The following IMMP1L variants were observed in gnomAD, a reference collection of about 807,000 sequenced individuals.
The protein encoded by IMMP1L is inner mitochondrial membrane peptidase subunit 1, also known as mitochondrial inner membrane protease subunit 1.
A neutral mutation model predicts 21.8 loss-of-function variants in IMMP1L; 24 were observed. The observed-to-expected ratio is 1.10, with a 90% CI of 0.80 to 1.55. IMMP1L has a LOEUF of 1.55. Ranked by LOEUF, IMMP1L falls within the 40% of genes most tolerant of loss-of-function variation. The probability of loss-of-function intolerance (pLI) is 0.00; values close to 1 mark genes in which losing one functional copy is unlikely to be tolerated. For missense variants in IMMP1L, 195 were observed against 200.7 expected, an observed-to-expected ratio of 0.97 and a Z score of 0.17; for synonymous variants, 46 against 62.8, an observed-to-expected ratio of 0.73 and a Z score of 1.26.
chr11:31,487,332 CT>C (rs1231491079), intron 1 of IMMP1L, among the ~76,000 whole-genome samples: 1 of 152,098 alleles, frequency 6.6e-6, no homozygotes, highest in African/African-American at 2.4e-5. Context: ...CATGTTGTTT[CT>C]GTCTGTCAGT....
chr11:31,465,024 T>TTA (rs1954283070), intron 1 of IMMP1L, among the ~76,000 whole-genome samples: 1 of 152,064 alleles, frequency 6.6e-6, no homozygotes, highest in Non-Finnish European at 1.5e-5. Flanking sequence ...TGACATGATC[T>TTA]TATATATAGA....
At chr11:31,473,019 C>T (rs1038633007) in intron 1 of IMMP1L, among the ~76,000 whole-genome samples, 1 of 151,652 alleles carries the variant, frequency 6.6e-6, no homozygotes, top group South Asian at 2.1e-4. Flanking sequence ...GTGCCCGCCA[C>T]CTCGCACGGC....
At chr11:31,474,482 C>G (rs1160393126) in intron 1 of IMMP1L, among the ~76,000 whole-genome samples, 1 of 152,114 alleles carries the variant, frequency 6.6e-6, no homozygotes, top group African/African-American at 2.4e-5. Flanking sequence ...AAACTGCAAA[C>G]TCAAGGCACT....
At chr11:31,484,400 T>C (rs1955001261) in intron 1 of IMMP1L, among the ~76,000 whole-genome samples, 2 of 151,870 alleles carry the variant, frequency 1.3e-5, no homozygotes, top group South Asian at 4.1e-4. Flanking sequence ...TTTTTCCAAA[T>C]AACAATGGTA....
chr11:31,466,659 G>A (rs1246296899), intron 1 of IMMP1L, among the ~76,000 whole-genome samples: 1 of 151,972 alleles, frequency 6.6e-6, no homozygotes, highest in Non-Finnish European at 1.5e-5. Flanking sequence ...ATCTGGCACA[G>A]GAAGAAAAAT....
chr11:31,447,651 T>C (rs1953573573), intron 4 of IMMP1L, among the ~76,000 whole-genome samples: 1 of 152,232 alleles, frequency 6.6e-6, no homozygotes. Flanking sequence ...AAGTGATTTA[T>C]ACATTTTCTT....
At chr11:31,464,547 T>C (rs1179730838) in intron 1 of IMMP1L, among the ~76,000 whole-genome samples, 1 of 152,074 alleles carries the variant, frequency 6.6e-6, no homozygotes, top group Non-Finnish European at 1.5e-5. Context: ...AACAAAATAC[T>C]AGCAAACCAA....
At chr11:31,473,270 T>C (rs574701122) in intron 1 of IMMP1L, among the ~76,000 whole-genome samples, 1 of 152,068 alleles carries the variant, frequency 6.6e-6, no homozygotes, top group East Asian at 1.9e-4. Flanking sequence ...AGGATGGTCT[T>C]CATCTCCTGA....
At chr11:31,476,753 C>G (rs1304749108) in intron 1 of IMMP1L, among the ~76,000 whole-genome samples, 2 of 152,012 alleles carry the variant, frequency 1.3e-5, no homozygotes, top group East Asian at 3.9e-4. Context: ...AGTTACGTTG[C>G]ATACTGTTTG....
chr11:31,460,531 G>A (rs2133655012), intron 3 of IMMP1L, 95 bp downstream of exon 3: 1 of 669,084 alleles, frequency 1.5e-6, no homozygotes, highest in East Asian at 2.7e-5. Context: ...ATTTATGAAA[G>A]AGGTTTTAAA....
intron 1 of IMMP1L, among the ~76,000 whole-genome samples, chr11:31,506,036 C>G (rs545557308): frequency 1.3e-5 from 2 of 152,094 alleles, no homozygotes; most frequent in African/African-American, 4.8e-5. Flanking sequence ...GGTCGACACC[C>G]CTGATCCGCA....
At chr11:31,488,976 A>C (rs2133781644) in intron 1 of IMMP1L, among the ~76,000 whole-genome samples, 1 of 152,008 alleles carries the variant, frequency 6.6e-6, no homozygotes, top group African/African-American at 2.4e-5. Flanking sequence ...GGCTCACTGC[A>C]AGCTCCACCT....
At chr11:31,473,824 A>T in intron 1 of IMMP1L, 1 of 724,090 alleles carries the variant, frequency 1.4e-6, no homozygotes, top group Non-Finnish European at 1.7e-6. Context: ...AGAAACAGGA[A>T]AAATATATAT....
intron 1 of IMMP1L, among the ~76,000 whole-genome samples, chr11:31,471,841 A>C (rs1406549651): frequency 6.6e-6 from 1 of 152,202 alleles, no homozygotes; most frequent in Non-Finnish European, 1.5e-5. Flanking sequence ...ACATATTTAT[A>C]ATCTTACAGT....
intron 1 of IMMP1L, among the ~76,000 whole-genome samples, chr11:31,483,267 A>G (rs1433409873): frequency 6.6e-6 from 1 of 152,024 alleles, no homozygotes; most frequent in Non-Finnish European, 1.5e-5. Context: ...CAAAAAAATC[A>G]TTAGGCTATC....
intron 2 of IMMP1L, among the ~76,000 whole-genome samples, chr11:31,461,372 G>A (rs1044159055): frequency 1.3e-5 from 2 of 152,136 alleles, no homozygotes; most frequent in Non-Finnish European, 2.9e-5. Context: ...GAGGCCAGGA[G>A]TTCAAGACCA....
intron 4 of IMMP1L, 160 bp from the exon 5 acceptor site, chr11:31,433,730 A>G: frequency 2.2e-6 from 1 of 449,290 alleles, no homozygotes; most frequent in Non-Finnish European, 3.9e-6. Flanking sequence ...TATTTCTTGC[A>G]CAATAACTTT....
At chr11:31,465,061 CT>C (rs1272340128) in intron 1 of IMMP1L, among the ~76,000 whole-genome samples, 2 of 152,022 alleles carry the variant, frequency 1.3e-5, no homozygotes, top group Admixed American at 1.3e-4. Context: ...ACCAAAAATA[CT>C]TTTAGAACTG....
At chr11:31,465,137 C>T (rs1954287781) in intron 1 of IMMP1L, among the ~76,000 whole-genome samples, 1 of 151,894 alleles carries the variant, frequency 6.6e-6, no homozygotes, top group African/African-American at 2.4e-5. Flanking sequence ...GCATTTTATT[C>T]ACCAGGAATG....
Sources: gnomAD v4.1 joint callset for allele counts (sites outside exome capture counted in the v4.1 genomes callset) on GRCh38, gnomAD v4.1.1 for gene constraint, MANE v1.5 for transcripts, NCBI Gene and HGNC (gene_info 2026-07-23, HGNC 2026-07-21) for gene names.